Variants in ANAPC5 observed in about 807,000 individuals in gnomAD.
ANAPC5 encodes the protein anaphase-promoting complex subunit 5.
ANAPC5 carries 60 observed loss-of-function variants against 91.3 expected under a neutral mutation model. The ratio of observed to expected loss-of-function variants is 0.66; its 90% CI spans 0.53 to 0.81. ANAPC5 has a LOEUF of 0.81. Ranked by LOEUF, ANAPC5 falls within the 40% of genes least tolerant of loss-of-function variation. The pLI is 0.00. For synonymous variants in ANAPC5, 340 were observed against 364.1 expected, an observed-to-expected ratio of 0.93 and a Z score of 0.75; for missense variants, 690 against 931.5, an observed-to-expected ratio of 0.74 and a Z score of 3.37.
chr12:121,318,887 G>T (rs1029709634), intron 13 of ANAPC5, among the ~76,000 whole-genome samples: 2 of 152,088 alleles, frequency 1.3e-5, no homozygotes, highest in African/African-American at 2.4e-5. Context: ...GGGCGTAGTG[G>T]TGGGCACCTG....
chr12:121,332,811 T>A (rs577094144), intron 7 of ANAPC5: 2 of 152,286 alleles, frequency 1.3e-5, no homozygotes, highest in East Asian at 3.9e-4. Flanking sequence ...TCATTTATAT[T>A]CTGTGCAATT....
At chr12:121,317,097 G>C (rs1187002036) in intron 15 of ANAPC5, among the ~76,000 whole-genome samples, 1 of 152,082 alleles carries the variant, frequency 6.6e-6, no homozygotes, top group South Asian at 2.1e-4. Flanking sequence ...GGGAGGACTG[G>C]GGAATGACTG....
At position 121,327,220 on chromosome 12, in the gene ANAPC5, A is replaced by C; in HGVS notation, c.1316T>G (p.Leu439Arg). 1 of 1,613,092 alleles carries C rather than the reference A, an allele frequency of 6.2e-7. No homozygotes were observed. The highest frequency in any genetic ancestry group is 8.5e-7 in the Non-Finnish European group (1 of 1,179,906). Residue 439 changes from leucine to arginine, a missense_variant, in exon 11 of 17, where the codon CTG becomes CGG. By Grantham distance (102) the Leu-to-Arg change is moderately radical (BLOSUM62 -2). Coordinates refer to ENST00000261819, the MANE Select transcript of ANAPC5 (RefSeq NM_016237.5). Reference sequence around the variant, plus strand: ...GCTCAGCAACATCTGGGCCTGTTGCAGTGCCATGGTGCTGGGTGGGGAGAG... The same window carrying C: ...GCTCAGCAACATCTGGGCCTGTTGCCGTGCCATGGTGCTGGGTGGGGAGAG... Reference protein sequence around the residue: ...WRLYGRSTMALQQAQMLLSMN... With the variant: ...WRLYGRSTMARQQAQMLLSMN...
At chr12:121,328,206 C>G (rs1555272502) in intron 10 of ANAPC5, 110 bp downstream of exon 10, 1 of 967,964 alleles carries the variant, frequency 1.0e-6, no homozygotes, top group Admixed American at 2.5e-5. Flanking sequence ...GCAGGAACAA[C>G]ATCTATCCAA....
intron 9 of ANAPC5, chr12:121,329,163 G>C (rs1423436688): frequency 6.6e-6 from 1 of 152,172 alleles, no homozygotes; most frequent in African/African-American, 2.4e-5. Context: ...TGGTTTTAGG[G>C]TTGTTTTTGA....
chr12:121,328,738 T>G lies in ANAPC5; in HGVS notation c.1123-241A>C, dbSNP rs181417368. ...GAGCCAGCAGGGCTTTAGCATTAGA[T>G]GGACCTGGACTTAAACACTGCCTCT... On this transcript the variant is annotated intron_variant, in intron 9 of 16. Coordinates refer to ENST00000261819, the MANE Select transcript of ANAPC5 (RefSeq NM_016237.5). 2.3e-5 allele frequency: 9 copies of G among 396,874 alleles called. No homozygotes were observed. In the East Asian group the frequency reaches 4.0e-4, roughly 18 times the overall value. The allele number at this position is 396,874 out of a possible 1,614,324, so 24.6% of individuals were successfully genotyped here. A position where few individuals can be genotyped will look rare whatever the true frequency, so the allele number is the denominator to read the frequency against.
rs1458184931 is a variant in ANAPC5 at position 121,319,751 on chromosome 12, G to A, written c.1583C>T (p.Ala528Val). ...TGTGATTCCTGTAACAAGTGAATCAGCCAAATGATATTTGCCATCATTCAT... is the reference window on the plus strand; with the variant it reads ...TGTGATTCCTGTAACAAGTGAATCAACCAAATGATATTTGCCATCATTCAT... ...RAMNDGKYHL[A>V]DSLVTGITAL... is the part of the protein sequence containing the mutation. Residue 528 changes from alanine (A) to valine (V), a missense_variant, in exon 13 of 17, where the codon GCT becomes GTT. Physicochemically the swap from Ala to Val is moderately conservative, Grantham distance 64. Coordinates refer to ENST00000261819, the MANE Select transcript of ANAPC5 (RefSeq NM_016237.5). 6.2e-7 allele frequency: 1 copy of A among 1,612,400 alleles called. No individual in the cohort carries two copies. Among genetic ancestry groups the A allele is most frequent in the African/African-American group, 1.3e-5 (1 of 74,806 alleles).
intron 15 of ANAPC5, among the ~76,000 whole-genome samples, chr12:121,310,736 C>T (rs1221176212): frequency 1.3e-5 from 2 of 151,988 alleles, no homozygotes; most frequent in Non-Finnish European, 2.9e-5. Context: ...GGGTTCGAGA[C>T]CAGCCTGGCC....
In ANAPC5 at chr12:121,336,124, T is replaced by C. The variant is rs530822279; in HGVS notation, c.760-401A>G. Among the ~76,000 whole-genome samples the C allele has an allele frequency of 3.3e-5, 5 of 152,294 alleles. No individual in the cohort carries two copies. The East Asian group carries it at 7.7e-4, about 23-fold the overall frequency. The stretch of plus-strand genomic sequence containing the variant: ...AAATTAAGTTTTATTAATGTACAAG[T>C]TAAAACACACTGAGACTTACTAGTT... On this transcript the variant is annotated intron_variant, in intron 6 of 16. Coordinates refer to ENST00000261819, the MANE Select transcript of ANAPC5 (RefSeq NM_016237.5).
At chr12:121,329,785 T>C (rs1902966037) in intron 9 of ANAPC5, among the ~76,000 whole-genome samples, 1 of 151,988 alleles carries the variant, frequency 6.6e-6, no homozygotes, top group South Asian at 2.1e-4. Context: ...CCAGCTAATT[T>C]TGTATTTTTA....
chr12:121,350,834 G>C (rs565156769), intron 1 of ANAPC5, among the ~76,000 whole-genome samples: 1 of 152,274 alleles, frequency 6.6e-6, no homozygotes, highest in African/African-American at 2.4e-5. Context: ...GGAGGTTACC[G>C]TCTAATGGGA....
chr12:121,348,987 T>C (rs965087269), intron 1 of ANAPC5, among the ~76,000 whole-genome samples: 17 of 152,098 alleles, frequency 1.1e-4, no homozygotes, highest in African/African-American at 4.1e-4. Flanking sequence ...ATTTGGGGCC[T>C]GGCGCAGTGG....
intron 1 of ANAPC5, among the ~76,000 whole-genome samples, chr12:121,350,629 C>G (rs918929089): frequency 1.9e-4 from 28 of 149,858 alleles, no homozygotes; most frequent in Admixed American, 1.1e-3. Context: ...TGCAGTGAGC[C>G]GTGATCGTGC....
intron 12 of ANAPC5, among the ~76,000 whole-genome samples, chr12:121,320,159 G>T (rs2948129): frequency 0.28 from 41,869 of 151,894 alleles, 10,293 homozygotes; most frequent in African/African-American, 0.66. Flanking sequence ...TTCTCATTCA[G>T]GTTTTTTATA....
chr12:121,341,737 G>A (rs961344527), intron 5 of ANAPC5, among the ~76,000 whole-genome samples: 2 of 152,100 alleles, frequency 1.3e-5, no homozygotes, highest in African/African-American at 2.4e-5. Flanking sequence ...TAAATCACAG[G>A]GTTTTAGGCT....
chr12:121,347,770 T>C (rs1273076241), intron 2 of ANAPC5, 32 bp downstream of exon 2: 137 of 1,533,424 alleles, frequency 8.9e-5, no homozygotes, highest in Non-Finnish European at 1.2e-4. Flanking sequence ...CCTTCACACC[T>C]TTTCATATAT....
At chr12:121,327,046 G>A in intron 11 of ANAPC5, 50 bp downstream of exon 11, 1 of 1,542,624 alleles carries the variant, frequency 6.5e-7, no homozygotes, top group South Asian at 1.2e-5. Flanking sequence ...GGAAAGAAAT[G>A]GTAGAGCCTC....
At chr12:121,352,474 A>G, upstream of ANAPC5, 1 of 721,146 alleles carries the variant, frequency 1.4e-6, no homozygotes, top group Non-Finnish European at 2.3e-6. Flanking sequence ...TGCTCGCGGC[A>G]TTTGTTAACC....
chr12:121,319,725 C>T lies in ANAPC5; in HGVS notation c.1609G>A (p.Ala537Thr). ...LADSLVTGITALNSIEGVYRK... is the reference protein window; with the variant it reads ...LADSLVTGITTLNSIEGVYRK... ...TAAACACCCTCTATGCTATTGAGAG[C>T]TGTGATTCCTGTAACAAGTGAATCA... The change falls in exon 13 of 17, where the codon GCT (alanine) becomes ACT (threonine). Residue 537 changes from alanine to threonine, a missense_variant. Physicochemically the swap from Ala to Thr is moderately conservative, Grantham distance 58 (BLOSUM62 0). Transcript: ENST00000261819. 1 of 1,612,320 alleles carries T rather than the reference C, an allele frequency of 6.2e-7. No individual in the cohort carries two copies. Among genetic ancestry groups the T allele is most frequent in the South Asian group, 1.1e-5 (1 of 90,750 alleles).
Sources: gnomAD v4.1 joint callset for allele counts (sites outside exome capture counted in the v4.1 genomes callset) on GRCh38, gnomAD v4.1.1 for gene constraint, MANE v1.5 for transcripts, NCBI Gene and HGNC (gene_info 2026-07-23, HGNC 2026-07-21) for gene names.